Variants in NCOA6 observed in about 807,000 individuals in gnomAD.
The protein encoded by NCOA6 is NRC RAP250.
In NCOA6, 49 loss-of-function variants were observed where a neutral mutation model predicts 171.4. That is an observed-to-expected ratio of 0.29 (90% confidence interval 0.23 to 0.36). The LOEUF (loss-of-function observed/expected upper bound fraction) is 0.36. Ranked by LOEUF, NCOA6 falls within the 10% of genes least tolerant of loss-of-function variation. The probability of loss-of-function intolerance (pLI) is 1.00; values close to 1 mark genes in which losing one functional copy is unlikely to be tolerated. For synonymous variants in NCOA6, 910 were observed against 927.5 expected (o/e 0.98, Z 0.34); for missense variants, 2,248 against 2,554.5 (o/e 0.88, Z 2.59).
At position 34,749,649 on chromosome 20, in the gene NCOA6, T is replaced by C. The variant is rs749021800; in HGVS notation, c.2546A>G (p.His849Arg). The C allele has an allele frequency of 1.2e-5, 19 of 1,614,102 alleles. No individual in the cohort carries two copies. The highest frequency in any genetic ancestry group is 1.1e-5 in the South Asian group (1 of 91,086). Reference sequence around the variant, plus strand: ...GAAAGGTGCATTGAAAGACATCCCATGGCCTGAGAAGTGGTTTCCCGAGGC... The same window carrying C: ...GAAAGGTGCATTGAAAGACATCCCACGGCCTGAGAAGTGGTTTCCCGAGGC... ...NSASGNHFSGHGMSFNAPFSG... is the reference protein window; with the variant it reads ...NSASGNHFSGRGMSFNAPFSG... Residue 849 changes from histidine to arginine, a missense_variant, in exon 9 of 15, where the codon CAT becomes CGT. His to Arg is a conservative substitution (Grantham distance 29). Coordinates refer to ENST00000359003, the MANE Select transcript of NCOA6 (RefSeq NM_014071.5).
rs2077920587 is a variant in NCOA6 at position 34,792,518 on chromosome 20, T to C, written c.-118A>G. 2 of 398,678 alleles carry C rather than the reference T, an allele frequency of 5.0e-6. No homozygotes were observed. Among genetic ancestry groups the C allele is most frequent in the South Asian group, 2.5e-4 (2 of 7,858 alleles). 24.7% of individuals were successfully genotyped at this position (398,678 alleles called of 1,614,324 possible). A position where few individuals can be genotyped will look rare whatever the true frequency, so the allele number is the denominator to read the frequency against. On this transcript the variant is annotated 5_prime_UTR_variant, in exon 2 of 15. Coordinates refer to ENST00000359003, the MANE Select transcript of NCOA6 (RefSeq NM_014071.5). ...CTAAGTCCAAAGAAGCTGGCATTTT[T>C]AGGGCTTGGATTTCAAGGTAGCAGC...
At chr20:34,734,382 G>A (rs1159730185) in intron 12 of NCOA6, among the ~76,000 whole-genome samples, 3 of 147,060 alleles carry the variant, frequency 2.0e-5, no homozygotes, top group African/African-American at 7.5e-5. Flanking sequence ...TTTTTTGGGG[G>A]ATGGTCTCAC....
rs1340712839 is a variant in NCOA6, at chr20:34,715,190, A to T, written c.*132T>A. 3 of 1,174,298 alleles carry T rather than the reference A, an allele frequency of 2.6e-6. No individual in the cohort carries two copies. The highest frequency in any genetic ancestry group is 3.7e-6 in the Non-Finnish European group (3 of 808,158). 72.7% of individuals were successfully genotyped at this position (1,174,298 alleles called of 1,614,324 possible). A position where few individuals can be genotyped will look rare whatever the true frequency, so the allele number is the denominator to read the frequency against. On this transcript the variant is annotated 3_prime_UTR_variant, in exon 15 of 15. Coordinates refer to ENST00000359003, the MANE Select transcript of NCOA6 (RefSeq NM_014071.5). ...CATTGCACTTTATGAAACAGGTTGC[A>T]GGGACTAGGAAAAGGGCCACATTAT...
intron 4 of NCOA6, among the ~76,000 whole-genome samples, chr20:34,770,574 G>A (rs1049287517): frequency 4.0e-5 from 6 of 151,798 alleles, no homozygotes; most frequent in Non-Finnish European, 7.4e-5. Context: ...ACATCAGTTC[G>A]TATCATTCCT....
chr20:34,758,600 TG>T (rs2076722537), intron 6 of NCOA6, among the ~76,000 whole-genome samples: 1 of 152,182 alleles, frequency 6.6e-6, no homozygotes. Context: ...TTAGAAATGT[TG>T]GGGTATAATT....
At chr20:34,817,342 C>T (rs914722510) in intron 1 of NCOA6, among the ~76,000 whole-genome samples, 1 of 151,784 alleles carries the variant, frequency 6.6e-6, no homozygotes, top group African/African-American at 2.4e-5. Flanking sequence ...GAATTTGGTG[C>T]TCATTAATAT....
At chr20:34,803,881 C>T (rs1042556821) in intron 1 of NCOA6, among the ~76,000 whole-genome samples, 1 of 151,958 alleles carries the variant, frequency 6.6e-6, no homozygotes. Context: ...CACCTGTAAT[C>T]CCACCTACTA....
At chr20:34,776,549 A>C (rs1261742963) in intron 3 of NCOA6, 101 bp from the exon 4 acceptor site, 1 of 1,335,722 alleles carries the variant, frequency 7.5e-7, no homozygotes, top group Non-Finnish European at 1.1e-6. Context: ...AAGGTGGAGC[A>C]CCAGCTTGGA....
intron 2 of NCOA6, among the ~76,000 whole-genome samples, chr20:34,785,876 TAA>T (rs33961774): frequency 8.7e-4 from 119 of 136,192 alleles, no homozygotes; most frequent in East Asian, 2.1e-3. Flanking sequence ...ACACAGTACT[TAA>T]AAAAAAAAAA....
In NCOA6 at chr20:34,768,946, T is replaced by C. The variant is rs571660570; in HGVS notation, c.392-360A>G. On this transcript the variant is annotated intron_variant, in intron 4 of 14. Coordinates refer to ENST00000359003, the MANE Select transcript of NCOA6 (RefSeq NM_014071.5). ...AATGGAAGAAAATGTTCTCAAAAAC[T>C]CTCAAAATCCTAGACTTCCTTTTGG... Among the ~76,000 whole-genome samples the C allele has an allele frequency of 3.3e-5, 5 of 152,184 alleles. No homozygotes were observed. The East Asian group carries it at 9.6e-4, about 29-fold the overall frequency.
Position 34,742,294 on chromosome 20 carries a change from G to C in NCOA6, c.3962C>G (p.Thr1321Arg). Residue 1321 changes from threonine (T) to arginine (R), a missense_variant, in exon 11 of 15, where the codon ACA becomes AGA. Physicochemically the swap from Thr to Arg is moderately conservative, Grantham distance 71. Coordinates refer to ENST00000359003, the MANE Select transcript of NCOA6 (RefSeq NM_014071.5). ...ACTGTTGCTTGGACTTGCCCGTTTTGTTGCTCCAGAATTAGACTGCTTTCC... is the reference window on the plus strand; with the variant it reads ...ACTGTTGCTTGGACTTGCCCGTTTTCTTGCTCCAGAATTAGACTGCTTTCC... The part of the protein sequence containing the change: ...NSGKQSNSGA[T>R]KRASPSNSRR... 1 of 1,614,190 alleles carries C rather than the reference G, an allele frequency of 6.2e-7. No individual in the cohort carries two copies. The highest frequency in any genetic ancestry group is 8.5e-7 in the Non-Finnish European group (1 of 1,180,042).
intron 2 of NCOA6, among the ~76,000 whole-genome samples, chr20:34,791,042 G>C (rs556256643): frequency 6.6e-6 from 1 of 152,278 alleles, no homozygotes; most frequent in African/African-American, 2.4e-5. Flanking sequence ...GATGGGGAAT[G>C]GGACATCTTA....
Position 34,757,739 on chromosome 20 carries a change from T to C in NCOA6, c.1009A>G (p.Thr337Ala), listed in dbSNP as rs1176318697. The C allele has an allele frequency of 1.9e-6, 3 of 1,614,206 alleles. No individual in the cohort carries two copies. The Admixed American group carries it at 5.0e-5, about 27-fold the overall frequency. ...QPPPAQGSLGTMTANQGWKKA... is the reference protein window; with the variant it reads ...QPPPAQGSLGAMTANQGWKKA... Reference sequence around the variant, plus strand: ...TTCCACCCTTGGTTTGCAGTCATTGTGCCCAGAGAACCCTGGGCTGGAGGA... The same window carrying C: ...TTCCACCCTTGGTTTGCAGTCATTGCGCCCAGAGAACCCTGGGCTGGAGGA... The change falls in exon 7 of 15, where the codon ACA (threonine) becomes GCA (alanine). Residue 337 changes from threonine to alanine, a missense_variant. Physicochemically the swap from Thr to Ala is moderately conservative, Grantham distance 58. Transcript: ENST00000359003.
At chr20:34,764,068 G>T (rs1600910309) in intron 5 of NCOA6, among the ~76,000 whole-genome samples, 1 of 82,422 alleles carries the variant, frequency 1.2e-5, no homozygotes, top group Non-Finnish European at 2.3e-5. Context: ...CCATCCCTCT[G>T]CTTCCAAGCC....
In NCOA6 at chr20:34,715,224, C is replaced by G. The variant is rs1988379299; in HGVS notation, c.*98G>C. The G allele has an allele frequency of 2.0e-5, 30 of 1,509,776 alleles. No homozygotes were observed. The highest frequency in any genetic ancestry group is 2.8e-5 in the Non-Finnish European group (30 of 1,090,410). 93.5% of individuals were successfully genotyped at this position (1,509,776 alleles called of 1,614,324 possible). A position where few individuals can be genotyped will look rare whatever the true frequency, so the allele number is the denominator to read the frequency against. On this transcript the variant is annotated 3_prime_UTR_variant, in exon 15 of 15. Transcript: ENST00000359003. ...GAAAAGGGCCACATTATTAAAATTA[C>G]TAACTGTACAGAAATTGATTTAAAA...
At chr20:34,716,447 CTG>C (rs1190826651) in intron 14 of NCOA6, among the ~76,000 whole-genome samples, 2 of 152,160 alleles carry the variant, frequency 1.3e-5, no homozygotes, top group Non-Finnish European at 2.9e-5. Flanking sequence ...CAGACTTAAA[CTG>C]TGTTTCTTAA....
intron 12 of NCOA6, among the ~76,000 whole-genome samples, chr20:34,734,721 C>T (rs905382884): frequency 2.6e-5 from 4 of 151,610 alleles, no homozygotes; most frequent in East Asian, 2.0e-4. Flanking sequence ...GCGCAATCTC[C>T]GGCTCACCGC....
chr20:34,753,031 C>T (rs2076537407), intron 8 of NCOA6, among the ~76,000 whole-genome samples: 1 of 150,600 alleles, frequency 6.6e-6, no homozygotes, highest in Non-Finnish European at 1.5e-5. Context: ...ATGACTTTGT[C>T]ATTGTTTTAA....
chr20:34,823,122 G>A (rs2079056124), intron 1 of NCOA6, among the ~76,000 whole-genome samples: 1 of 152,042 alleles, frequency 6.6e-6, no homozygotes, highest in African/African-American at 2.4e-5. Flanking sequence ...TAATATAATT[G>A]GTGTTCCTTA....
Sources: allele counts gnomAD v4.1 joint callset (sites outside exome capture counted in the v4.1 genomes callset), GRCh38; gene constraint gnomAD v4.1.1; transcripts MANE v1.5; gene names NCBI Gene and HGNC (gene_info 2026-07-23, HGNC 2026-07-21).